Variants in KTN1 observed in about 807,000 individuals in gnomAD.
The protein encoded by KTN1 is kinectin 1.
KTN1 carries 130 observed loss-of-function variants against 222.5 expected under a neutral mutation model. The observed-to-expected ratio is 0.58, with a 90% CI of 0.51 to 0.68. The LOEUF (loss-of-function observed/expected upper bound fraction) is 0.68, where lower values mean the gene tolerates loss of function less well. KTN1 is among the 30% of genes least tolerant of loss of function. The pLI is 0.00. For synonymous variants in KTN1, 512 were observed against 496.3 expected (o/e 1.03, Z -0.42); for missense variants, 1,508 against 1,500.4 (o/e 1.01, Z -0.08).
At chr14:55,582,912 G>A (rs1433635228) in intron 1 of KTN1, among the ~76,000 whole-genome samples, 1 of 152,132 alleles carries the variant, frequency 6.6e-6, no homozygotes, top group Non-Finnish European at 1.5e-5. Flanking sequence ...GAGGATACAA[G>A]CAAGTAACTA....
chr14:55,653,499 T>C, intron 27 of KTN1, 60 bp from the exon 28 acceptor site: 1 of 1,297,154 alleles, frequency 7.7e-7, no homozygotes, highest in African/African-American at 1.5e-5. Flanking sequence ...ATATATGTTT[T>C]AGCACCTACA....
chr14:55,668,189 G>T (rs2045046089), intron 34 of KTN1: 1 of 151,956 alleles, frequency 6.6e-6, no homozygotes, highest in East Asian at 1.9e-4. Context: ...ATTTTGTATA[G>T]TATGCATTTC....
intron 6 of KTN1, 111 bp downstream of exon 6, chr14:55,628,139 A>G (rs1762072998): frequency 1.5e-6 from 1 of 678,852 alleles, no homozygotes; most frequent in Non-Finnish European, 2.6e-6. Context: ...ATGTCCAACA[A>G]AAGTAACTTT....
intron 5 of KTN1, among the ~76,000 whole-genome samples, chr14:55,620,730 T>C (rs766278353): frequency 1.3e-5 from 2 of 152,162 alleles, no homozygotes; most frequent in African/African-American, 2.4e-5. Context: ...TGGGCCCTGC[T>C]CAGGAAACCA....
chr14:55,677,312 A>G (rs1351147649), intron 41 of KTN1, among the ~76,000 whole-genome samples: 1 of 152,044 alleles, frequency 6.6e-6, no homozygotes, highest in Non-Finnish European at 1.5e-5. Context: ...CCCCGTCTCT[A>G]CTAAAAATAC....
intron 43 of KTN1, chr14:55,682,101 TG>T (rs1476034933): frequency 6.6e-6 from 1 of 152,146 alleles, no homozygotes; most frequent in Non-Finnish European, 1.5e-5. Context: ...AAGGGAGAGT[TG>T]TTTTTAAAAA....
intron 1 of KTN1, among the ~76,000 whole-genome samples, chr14:55,599,760 G>A (rs1018202630): frequency 2.8e-4 from 42 of 152,138 alleles, no homozygotes; most frequent in African/African-American, 9.2e-4. Context: ...TAGGAAGGGG[G>A]CAGTAGGGGG....
At chr14:55,625,964 T>A (rs1243270445) in intron 5 of KTN1, among the ~76,000 whole-genome samples, 2 of 152,290 alleles carry the variant, frequency 1.3e-5, no homozygotes, top group South Asian at 4.1e-4. Context: ...TCTGACCTAC[T>A]CTACACACAT....
intron 1 of KTN1, among the ~76,000 whole-genome samples, chr14:55,598,296 G>C (rs377037826): frequency 2.6e-5 from 4 of 151,968 alleles, no homozygotes; most frequent in African/African-American, 9.7e-5. Flanking sequence ...TTAGCCGGGC[G>C]TGTTGGCGGG....
rs200411441 is a variant in KTN1 at position 55,675,831 on chromosome 14, A to G, written c.3772-4A>G. On this transcript the variant is annotated splice_region_variant and splice_polypyrimidine_tract_variant and intron_variant, in intron 40 of 43. Coordinates refer to ENST00000395314, the MANE Select transcript of KTN1 (RefSeq NM_001079521.2). Reference sequence around the variant, plus strand: ...TTAATTGTGGTGTTCCTTTATTTTTACAGTTGAAGGCACAGTTAAATGAAA... The same window carrying G: ...TTAATTGTGGTGTTCCTTTATTTTTGCAGTTGAAGGCACAGTTAAATGAAA... 8.0e-5 allele frequency: 128 copies of G among 1,591,306 alleles called. No homozygotes were observed. In the African/African-American group the frequency reaches 1.5e-3, roughly 19 times the overall value.
intron 4 of KTN1, 104 bp from the exon 5 acceptor site, chr14:55,619,078 A>G: frequency 5.9e-6 from 5 of 843,782 alleles, no homozygotes; most frequent in Non-Finnish European, 9.2e-6. Context: ...TCTTTCGGTT[A>G]TTGACTTTCT....
intron 24 of KTN1, among the ~76,000 whole-genome samples, chr14:55,651,120 T>C (rs2042896978): frequency 6.6e-6 from 1 of 152,188 alleles, no homozygotes; most frequent in African/African-American, 2.4e-5. Context: ...TGAGATTTCA[T>C]TGAAGAGATG....
chr14:55,600,890 C>T (rs1185371443), intron 1 of KTN1, among the ~76,000 whole-genome samples: 4 of 150,482 alleles, frequency 2.7e-5, no homozygotes, highest in African/African-American at 4.9e-5. Context: ...TTTTTTTTAC[C>T]GAATAAACTT....
intron 1 of KTN1, among the ~76,000 whole-genome samples, chr14:55,582,567 A>G (rs2031945287): frequency 6.6e-6 from 1 of 152,160 alleles, no homozygotes; most frequent in South Asian, 2.1e-4. Context: ...TTGTTTTTTT[A>G]AAAGTTGAAT....
intron 8 of KTN1, among the ~76,000 whole-genome samples, 190 bp downstream of exon 8, chr14:55,633,531 T>G (rs1448140437): frequency 6.9e-6 from 1 of 144,998 alleles, no homozygotes; most frequent in Non-Finnish European, 1.5e-5. Context: ...ATATGTAAAC[T>G]ATGTTATATT....
At chr14:55,634,447 AACT>A in intron 8 of KTN1, 76 bp from the exon 9 acceptor site, 1 of 725,674 alleles carries the variant, frequency 1.4e-6, no homozygotes, top group Non-Finnish European at 1.8e-6. Context: ...AGCTCAGCAA[AACT>A]AACAAAGTAT....
At chr14:55,637,017 T>C (rs2041208050) in intron 10 of KTN1, among the ~76,000 whole-genome samples, 181 bp from the exon 11 acceptor site, 1 of 152,118 alleles carries the variant, frequency 6.6e-6, no homozygotes, top group East Asian at 1.9e-4. Context: ...GTATTGTTTA[T>C]TTCTCTACTA....
chr14:55,632,418 A>G (rs545107538), intron 7 of KTN1, among the ~76,000 whole-genome samples: 1 of 152,336 alleles, frequency 6.6e-6, no homozygotes, highest in South Asian at 2.1e-4. Flanking sequence ...ATTTCATACA[A>G]AAACATGTTC....
In KTN1 at chr14:55,602,444, A is replaced by G. The variant is rs920803653; in HGVS notation, c.-30-9575A>G. ...TCGCAGTGAGATTATAAATTCATTT[A>G]AAGTCGGCAAATTTATTTGTGAACA... is the stretch of plus-strand genomic sequence containing the variant. On this transcript the variant is annotated intron_variant, in intron 1 of 43. Transcript: ENST00000395314. Among the ~76,000 whole-genome samples the G allele has an allele frequency of 2.0e-4, 31 of 152,200 alleles. 1 individual carries two copies. Among genetic ancestry groups the G allele is most frequent in the Non-Finnish European group, 1.2e-4 (8 of 68,038 alleles).
Sources: gnomAD v4.1 joint callset for allele counts (sites outside exome capture counted in the v4.1 genomes callset) on GRCh38, gnomAD v4.1.1 for gene constraint, MANE v1.5 for transcripts, NCBI Gene and HGNC (gene_info 2026-07-23, HGNC 2026-07-21) for gene names.